GRID2: variants seen among roughly 807,000 people sequenced by gnomAD.
GRID2 encodes glutamate receptor ionotropic, delta-2.
GRID2 carries 33 observed loss-of-function variants against 114.8 expected under a neutral mutation model. The observed-to-expected ratio is 0.29, with a 90% CI of 0.22 to 0.38. The LOEUF (loss-of-function observed/expected upper bound fraction) is 0.38. GRID2 is among the 10% of genes least tolerant of loss of function. GRID2 has a pLI of 1.00. For missense variants in GRID2, 1,184 were observed against 1,257.7 expected (o/e 0.94, Z 0.89); for synonymous variants, 505 against 449.9 (o/e 1.12, Z -1.55).
In GRID2 at chr4:92,826,533, T is replaced by G. The variant is rs149497146; in HGVS notation, c.244+236247T>G. On this transcript the variant is annotated intron_variant, in intron 2 of 15. Transcript: ENST00000282020. ...GTGTAAGTTCCAAAAAGAAGTGATT[T>G]TTGCCAGTTTTGTTCCATACTGCAT... 4.7e-3 allele frequency among the ~76,000 whole-genome samples: 715 copies of G among 152,206 alleles called. 10 individuals carry two copies. The highest frequency in any genetic ancestry group is 0.016 in the African/African-American group (678 of 41,556).
rs539229003 is a variant in GRID2, at chr4:93,488,431, G to A, written c.1859-2208G>A. Among the ~76,000 whole-genome samples the A allele has an allele frequency of 6.6e-5, 10 of 151,874 alleles. No homozygotes were observed. The East Asian group carries it at 7.8e-4, about 12-fold the overall frequency. ...TAACCAAAGGGTGTACTTACCCCAC[G>A]TATAAAATTTAGACATATTACGTAG... On this transcript the variant is annotated intron_variant, in intron 11 of 15. Coordinates refer to ENST00000282020, the MANE Select transcript of GRID2 (RefSeq NM_001510.4).
intron 2 of GRID2, among the ~76,000 whole-genome samples, chr4:93,005,167 G>A (rs1721379836): frequency 6.6e-6 from 1 of 152,056 alleles, no homozygotes; most frequent in South Asian, 2.1e-4. Context: ...AATAGGAACT[G>A]TTGACTTTCC....
At chr4:93,570,421 A>C (rs1735830295) in intron 13 of GRID2, among the ~76,000 whole-genome samples, 1 of 152,200 alleles carries the variant, frequency 6.6e-6, no homozygotes, top group Admixed American at 6.6e-5. Context: ...GCTAAGTAAG[A>C]TAAGTGGAGG....
chr4:93,510,330 T>C (rs575032033), intron 12 of GRID2, among the ~76,000 whole-genome samples: 45 of 152,260 alleles, frequency 3.0e-4, no homozygotes, highest in Admixed American at 2.6e-3. Context: ...ACAAAGAAGA[T>C]GGAGATGGGA....
intron 5 of GRID2, among the ~76,000 whole-genome samples, chr4:93,215,896 C>T (rs544282587): frequency 1.3e-5 from 2 of 151,998 alleles, no homozygotes; most frequent in African/African-American, 2.4e-5. Flanking sequence ...TTGATTGAAA[C>T]CAATAGTATG....
At chr4:93,076,495 C>G (rs779740087) in intron 2 of GRID2, among the ~76,000 whole-genome samples, 2 of 151,452 alleles carry the variant, frequency 1.3e-5, no homozygotes, top group Non-Finnish European at 2.9e-5. Context: ...ATTCTTTACA[C>G]TTTTCCTAAT....
At chr4:93,484,994 A>T in intron 11 of GRID2, among the ~76,000 whole-genome samples, 1 of 151,834 alleles carries the variant, frequency 6.6e-6, no homozygotes. Flanking sequence ...GTTTTCAGAG[A>T]TCATTTATCA....
chr4:93,018,038 CT>C (rs1400563028), intron 2 of GRID2, among the ~76,000 whole-genome samples: 1 of 151,322 alleles, frequency 6.6e-6, no homozygotes, highest in Non-Finnish European at 1.5e-5. Context: ...AAAACACAAA[CT>C]GATTTTTATT....
intron 1 of GRID2, among the ~76,000 whole-genome samples, chr4:92,483,063 G>T (rs1722695209): frequency 6.6e-6 from 1 of 152,136 alleles, no homozygotes; most frequent in Admixed American, 6.6e-5. Flanking sequence ...AGCTTGGCTG[G>T]GCGCAGTGGC....
At chr4:92,797,842 A>G (rs540073793) in intron 2 of GRID2, among the ~76,000 whole-genome samples, 30 of 152,078 alleles carry the variant, frequency 2.0e-4, no homozygotes, top group African/African-American at 7.2e-4. Context: ...AGGGCCAACT[A>G]TACCCAAATG....
At chr4:93,684,300 G>A (rs1244827526) in intron 14 of GRID2, among the ~76,000 whole-genome samples, 1 of 151,998 alleles carries the variant, frequency 6.6e-6, no homozygotes, top group Non-Finnish European at 1.5e-5. Context: ...TGAAATCCTT[G>A]TGTTCTGCTT....
At chr4:93,288,685 C>T (rs976693447) in intron 8 of GRID2, among the ~76,000 whole-genome samples, 13 of 152,164 alleles carry the variant, frequency 8.5e-5, no homozygotes, top group Admixed American at 2.6e-4. Flanking sequence ...GCTAACCATA[C>T]ATTGATATGT....
At chr4:93,551,928 G>A (rs546783754) in intron 13 of GRID2, among the ~76,000 whole-genome samples, 1 of 152,032 alleles carries the variant, frequency 6.6e-6, no homozygotes, top group East Asian at 1.9e-4. Context: ...TATGCACAAC[G>A]TGCAGGTTTG....
chr4:92,735,140 A>G (rs1050036038), intron 2 of GRID2, among the ~76,000 whole-genome samples: 3 of 152,090 alleles, frequency 2.0e-5, no homozygotes, highest in Admixed American at 6.6e-5. Context: ...ACATATAATT[A>G]TCCAATTTAA....
intron 2 of GRID2, among the ~76,000 whole-genome samples, chr4:92,876,613 A>G (rs1387912567): frequency 6.6e-6 from 1 of 152,072 alleles, no homozygotes; most frequent in African/African-American, 2.4e-5. Context: ...CCAAAAACCC[A>G]ATTTTCTTGA....
At chr4:93,686,091 CT>C (rs1307546964) in intron 14 of GRID2, among the ~76,000 whole-genome samples, 1 of 151,902 alleles carries the variant, frequency 6.6e-6, no homozygotes, top group African/African-American at 2.4e-5. Flanking sequence ...CTAATAGAAA[CT>C]ATCTAAAAAT....
At chr4:93,270,571 C>T (rs1751341015) in intron 8 of GRID2, among the ~76,000 whole-genome samples, 1 of 152,060 alleles carries the variant, frequency 6.6e-6, no homozygotes, top group East Asian at 1.9e-4. Flanking sequence ...TTCAGCCTCA[C>T]CTCGACCGAG....
chr4:92,650,124 C>A (rs557364420), intron 2 of GRID2, among the ~76,000 whole-genome samples: 2 of 151,876 alleles, frequency 1.3e-5, no homozygotes, highest in African/African-American at 2.4e-5. Flanking sequence ...AGGGGAAAAA[C>A]AATAGATTTG....
At position 93,338,396 on chromosome 4, in the gene GRID2, G is replaced by A. The variant is rs550042379; in HGVS notation, c.1246-57211G>A. Among the ~76,000 whole-genome samples, 72 of 152,272 alleles carry A rather than the reference G, an allele frequency of 4.7e-4. No individual in the cohort carries two copies. The South Asian group carries it at 8.5e-3, about 18-fold the overall frequency. On this transcript the variant is annotated intron_variant, in intron 8 of 15. Transcript: ENST00000282020. The stretch of plus-strand genomic sequence containing the variant: ...CAAGTCGCCAATTTGCCATAGCGAA[G>A]CATGCAGTTGGGAGGGGACGTGCAG...
Sources: gnomAD v4.1 joint callset for allele counts (sites outside exome capture counted in the v4.1 genomes callset) on GRCh38, gnomAD v4.1.1 for gene constraint, MANE v1.5 for transcripts, NCBI Gene and HGNC (gene_info 2026-07-23, HGNC 2026-07-21) for gene names.